Variants in CLVS1 observed in about 807,000 individuals in gnomAD.
CLVS1 encodes clavesin-1.
Under a neutral mutation model 33.1 loss-of-function variants are expected in CLVS1, and 10 were observed. The ratio of observed to expected loss-of-function variants is 0.30; its 90% CI spans 0.19 to 0.51. The LOEUF (loss-of-function observed/expected upper bound fraction) is 0.51, where lower values mean the gene tolerates loss of function less well. Ranked by LOEUF, CLVS1 falls within the 20% of genes least tolerant of loss-of-function variation. The pLI is 0.97. For missense variants in CLVS1, 343 were observed against 433.4 expected (o/e 0.79, Z 1.85); for synonymous variants, 163 against 166.1 (o/e 0.98, Z 0.14).
At chr8:61,076,149 A>G (rs1804905550) in intron 1 of CLVS1, among the ~76,000 whole-genome samples, 2 of 152,018 alleles carry the variant, frequency 1.3e-5, no homozygotes, top group Non-Finnish European at 2.9e-5. Context: ...TTCTTCTTTC[A>G]TTTATTTATT....
chr8:61,020,096 A>T, the CLVS1 span, among the ~76,000 whole-genome samples: 3 of 152,226 alleles, frequency 2.0e-5, no homozygotes, highest in African/African-American at 7.2e-5. Flanking sequence ...CACTGCCTCT[A>T]TTTGGGAATG....
intron 1 of CLVS1, among the ~76,000 whole-genome samples, chr8:61,097,291 C>CA (rs563688254): frequency 3.6e-4 from 52 of 143,150 alleles, no homozygotes; most frequent in Admixed American, 6.3e-4. Context: ...GACTCCATCT[C>CA]AAAAAAAAAT....
the CLVS1 span, among the ~76,000 whole-genome samples, chr8:60,976,432 A>C: frequency 6.6e-6 from 1 of 151,680 alleles, no homozygotes; most frequent in African/African-American, 2.4e-5. Flanking sequence ...ATCATGGCTC[A>C]CTGCAGCCTC....
At chr8:61,177,291 C>A (rs550264732) in intron 2 of CLVS1, among the ~76,000 whole-genome samples, 1 of 152,284 alleles carries the variant, frequency 6.6e-6, no homozygotes, top group African/African-American at 2.4e-5. Flanking sequence ...CCTGCAGGAA[C>A]TTCAACTGCA....
At chr8:61,392,935 G>C (rs1285464649) in intron 3 of CLVS1, among the ~76,000 whole-genome samples, 2 of 152,086 alleles carry the variant, frequency 1.3e-5, no homozygotes, top group Non-Finnish European at 2.9e-5. Flanking sequence ...CCAGGCTGGA[G>C]TGCAATTGTG....
intron 2 of CLVS1, among the ~76,000 whole-genome samples, chr8:61,267,132 T>C (rs2129592489): frequency 6.6e-6 from 1 of 152,336 alleles, no homozygotes; most frequent in Non-Finnish European, 1.5e-5. Flanking sequence ...AAATGCATGT[T>C]CTGATCATCT....
the CLVS1 span, among the ~76,000 whole-genome samples, chr8:61,017,092 G>A: frequency 2.0e-5 from 3 of 152,150 alleles, no homozygotes; most frequent in Non-Finnish European, 4.4e-5. Context: ...AAGACAGCCG[G>A]GGCTTCGCAT....
At chr8:61,191,658 A>G (rs1156768294) in intron 2 of CLVS1, among the ~76,000 whole-genome samples, 2 of 146,870 alleles carry the variant, frequency 1.4e-5, no homozygotes, top group Non-Finnish European at 3.0e-5. Context: ...CCTTAAGCTG[A>G]TAGGCAACTT....
rs141685703 is a variant in CLVS1, at chr8:61,327,593, A to C, written c.455+27311A>C. 6.5e-3 allele frequency among the ~76,000 whole-genome samples: 993 copies of C among 152,336 alleles called. 7 individuals are homozygous for C. The highest frequency in any genetic ancestry group is 0.011 in the Non-Finnish European group (715 of 68,038). ...GTTCAAATTTCAACTATGACTCAAA[A>C]GTTTCAACTTTTTCATATGATTTGA... On this transcript the variant is annotated intron_variant, in intron 2 of 5. Transcript: ENST00000325897.
intron 2 of CLVS1, among the ~76,000 whole-genome samples, chr8:61,273,642 G>C (rs1269109676): frequency 6.6e-6 from 1 of 152,204 alleles, no homozygotes; most frequent in East Asian, 1.9e-4. Context: ...CAATCAGCGA[G>C]ACTCCGTGGG....
At chr8:60,993,000 G>A in the CLVS1 span, among the ~76,000 whole-genome samples, 2 of 152,220 alleles carry the variant, frequency 1.3e-5, no homozygotes, top group African/African-American at 2.4e-5. Flanking sequence ...TTTACTGTGA[G>A]GAAGAAGAAA....
intron 2 of CLVS1, among the ~76,000 whole-genome samples, chr8:61,217,970 T>G (rs900368702): frequency 5.9e-5 from 9 of 152,158 alleles, no homozygotes; most frequent in African/African-American, 1.9e-4. Context: ...TCACCCCAGT[T>G]AGGATGACTA....
intron 2 of CLVS1, among the ~76,000 whole-genome samples, chr8:61,250,728 T>C (rs1340710984): frequency 6.6e-6 from 1 of 152,208 alleles, no homozygotes; most frequent in Non-Finnish European, 1.5e-5. Flanking sequence ...TGTCTGTTAT[T>C]GGTGTAAAGG....
intron 1 of CLVS1, among the ~76,000 whole-genome samples, chr8:61,063,285 G>GAT (rs1563389035): frequency 3.4e-5 from 4 of 118,096 alleles, no homozygotes. Flanking sequence ...GAGAGAGAGA[G>GAT]AGAGAGAGAT....
At chr8:61,342,650 C>A (rs1442809751) in intron 2 of CLVS1, among the ~76,000 whole-genome samples, 1 of 152,108 alleles carries the variant, frequency 6.6e-6, no homozygotes, top group Non-Finnish European at 1.5e-5. Context: ...ATATTTATTG[C>A]CCCTTTTCAA....
the CLVS1 span, among the ~76,000 whole-genome samples, chr8:61,028,084 G>T: frequency 2.3e-4 from 35 of 152,300 alleles, no homozygotes; most frequent in East Asian, 4.4e-3. Flanking sequence ...AGAAATCTAC[G>T]TGTAATGATG....
intron 2 of CLVS1, among the ~76,000 whole-genome samples, chr8:61,348,003 A>G (rs1007220735): frequency 6.6e-6 from 1 of 151,664 alleles, no homozygotes; most frequent in Non-Finnish European, 1.5e-5. Flanking sequence ...GCGATTTTCA[A>G]TGTACAATAC....
At chr8:61,477,744 A>T (rs1279465081) in intron 5 of CLVS1, among the ~76,000 whole-genome samples, 1 of 152,098 alleles carries the variant, frequency 6.6e-6, no homozygotes, top group Admixed American at 6.6e-5. Context: ...CTTTTCAAAA[A>T]ACCAGCTCCT....
At position 61,248,799 on chromosome 8, in the gene CLVS1, C is replaced by A. The variant is rs535686763; in HGVS notation, c.-151-50878C>A. On this transcript the variant is annotated intron_variant, in intron 2 of 2. Coordinates refer to the CLVS1 transcript ENST00000522621. Reference sequence around the variant, plus strand: ...AGAAGTCCTCTCTTATTTATTAAAACCCACAACCTGCTGTAGGATAATCTG... The same window carrying A: ...AGAAGTCCTCTCTTATTTATTAAAAACCACAACCTGCTGTAGGATAATCTG... Among the ~76,000 whole-genome samples the A allele has an allele frequency of 1.3e-4, 20 of 152,182 alleles. No individual in the cohort carries two copies. In the East Asian group the frequency reaches 3.5e-3, roughly 26 times the overall value.
Sources: gnomAD v4.1 joint callset for allele counts (sites outside exome capture counted in the v4.1 genomes callset) on GRCh38, gnomAD v4.1.1 for gene constraint, MANE v1.5 for transcripts, NCBI Gene and HGNC (gene_info 2026-07-23, HGNC 2026-07-21) for gene names.